Variants in DNAH17 observed in about 807,000 individuals in gnomAD.
DNAH17 encodes dynein axonemal heavy chain 17.
In DNAH17, 376 loss-of-function variants were observed where a neutral mutation model predicts 485.6. That is an observed-to-expected ratio of 0.77 (90% CI 0.71 to 0.84). DNAH17 has a LOEUF of 0.84. Ranked by LOEUF, DNAH17 falls within the 40% of genes least tolerant of loss-of-function variation. The pLI, the probability that DNAH17 is intolerant of heterozygous loss-of-function variation, is 0.00. For missense variants in DNAH17, 6,370 were observed against 5,839.3 expected (o/e 1.09, Z -2.96); for synonymous variants, 3,031 against 2,405.9 (o/e 1.26, Z -7.60).
intron 71 of DNAH17, 115 bp downstream of exon 71, chr17:78,444,489 A>C: frequency 9.6e-7 from 1 of 1,038,234 alleles, no homozygotes; most frequent in Non-Finnish European, 1.3e-6. Flanking sequence ...TGGGGAGAAG[A>C]AAAAAGTTCA....
chr17:78,439,426 G>A (rs368018141), intron 72 of DNAH17, among the ~76,000 whole-genome samples: 3 of 152,036 alleles, frequency 2.0e-5, no homozygotes, highest in Admixed American at 6.6e-5. Context: ...GCAATCATCC[G>A]TTTGGTTCTA....
chr17:78,442,058 G>A (rs559577781), intron 71 of DNAH17, among the ~76,000 whole-genome samples: 1 of 149,814 alleles, frequency 6.7e-6, no homozygotes, highest in South Asian at 2.1e-4. Context: ...ACTCCAGCCT[G>A]GGCAAGAGAG....
intron 75 of DNAH17, 140 bp from the exon 76 acceptor site, chr17:78,429,440 GC>G: frequency 1.1e-6 from 1 of 925,648 alleles, no homozygotes; most frequent in Non-Finnish European, 1.6e-6. Flanking sequence ...CAGCCTCCTG[GC>G]CATTTACCTT....
intron 44 of DNAH17, 100 bp from the exon 45 acceptor site, chr17:78,486,606 T>TG: frequency 7.1e-7 from 1 of 1,414,032 alleles, no homozygotes; most frequent in Non-Finnish European, 9.4e-7. Context: ...CCAATTCTGC[T>TG]GGGGCTGCCC....
chr17:78,458,907 G>T, intron 61 of DNAH17, 94 bp downstream of exon 61: 1 of 1,367,800 alleles, frequency 7.3e-7, no homozygotes, highest in Non-Finnish European at 1.0e-6. Context: ...CATGACGGCG[G>T]GCCGTGCCAA....
At chr17:78,483,641 A>G (rs1226949525) in intron 48 of DNAH17, among the ~76,000 whole-genome samples, 1 of 63,592 alleles carries the variant, frequency 1.6e-5, no homozygotes, top group East Asian at 3.9e-4. Context: ...GGAAATAATA[A>G]TAATAATAAT....
intron 26 of DNAH17, among the ~76,000 whole-genome samples, chr17:78,514,154 G>A (rs189446957): frequency 4.3e-4 from 66 of 152,202 alleles, no homozygotes; most frequent in African/African-American, 1.4e-3. Context: ...CAACCAGAAC[G>A]GCCTACCTAA....
At chr17:78,566,769 G>A (rs1220155826) in intron 10 of DNAH17, 39 bp from the exon 11 acceptor site, 3 of 1,514,740 alleles carry the variant, frequency 2.0e-6, no homozygotes, top group East Asian at 2.4e-5. Context: ...TAATCAGCGT[G>A]CAAAGCAAGC....
Position 78,485,761 on chromosome 17 carries a change from G to T in DNAH17, c.7276-4C>A. The T allele has an allele frequency of 1.2e-6, 2 of 1,613,040 alleles. No individual in the cohort carries two copies. The highest frequency in any genetic ancestry group is 1.7e-6 in the Non-Finnish European group (2 of 1,179,386). On this transcript the variant is annotated splice_polypyrimidine_tract_variant and splice_region_variant and intron_variant, in intron 46 of 80. Transcript: ENST00000389840. ...CCGTGGTGTGGACCAAAGAGGCCTG[G>T]GGCAGGGGAGGGAAGGGGAGGGAGC...
chr17:78,536,047 C>T (rs777453661), intron 19 of DNAH17, among the ~76,000 whole-genome samples: 2 of 152,102 alleles, frequency 1.3e-5, no homozygotes, highest in African/African-American at 4.8e-5. Flanking sequence ...CCAGGCTCTC[C>T]GTGTGTCTTG....
At chr17:78,459,441 A>G (rs920653342) in intron 60 of DNAH17, among the ~76,000 whole-genome samples, 4 of 152,166 alleles carry the variant, frequency 2.6e-5, no homozygotes, top group Admixed American at 1.3e-4. Flanking sequence ...GACTGAAACT[A>G]TAAGGTTAGA....
At chr17:78,446,517 G>T (rs903641710) in intron 69 of DNAH17, among the ~76,000 whole-genome samples, 1 of 152,180 alleles carries the variant, frequency 6.6e-6, no homozygotes, top group Non-Finnish European at 1.5e-5. Context: ...CTGTAAGGCC[G>T]AGTAATACTC....
intron 11 of DNAH17, among the ~76,000 whole-genome samples, chr17:78,566,177 G>C (rs772643591): frequency 1.3e-5 from 2 of 151,980 alleles, no homozygotes; most frequent in Non-Finnish European, 2.9e-5. Flanking sequence ...TAAGCCACCC[G>C]GTCTACAGCA....
intron 22 of DNAH17, among the ~76,000 whole-genome samples, chr17:78,527,387 A>AAAAAAC (rs1312823619): frequency 6.6e-6 from 1 of 152,106 alleles, no homozygotes; most frequent in African/African-American, 2.4e-5. Context: ...CCCTGTCTCA[A>AAAAAAC]AAAAACAAAA....
At chr17:78,449,696 G>A in intron 68 of DNAH17, 112 bp from the exon 69 acceptor site, 1 of 1,145,908 alleles carries the variant, frequency 8.7e-7, no homozygotes, top group Non-Finnish European at 1.2e-6. Flanking sequence ...TTGTTTCTTT[G>A]AGACAGAGTC....
rs752715005 is a variant in DNAH17 at position 78,567,016 on chromosome 17, A to G, written c.1435T>C (p.Leu479=). The G allele has an allele frequency of 1.2e-6, 2 of 1,613,376 alleles. No homozygotes were observed. The highest frequency in any genetic ancestry group is 2.2e-5 in the East Asian group (1 of 44,870). The stretch of plus-strand genomic sequence containing the variant: ...GGACCTACCGAGTCTCCAGGGTCCA[A>G]GGGATCATATTTGCAGTCGGCAAAA... The part of the protein sequence containing the change: ...KVFADCKYDP[L]DPGDSNFDRD... Residue 479 remains leucine, a synonymous_variant, in exon 10 of 81, where the codon TTG becomes CTG. Coordinates refer to ENST00000389840, the MANE Select transcript of DNAH17 (RefSeq NM_173628.4).
intron 16 of DNAH17, among the ~76,000 whole-genome samples, chr17:78,550,456 A>G (rs1325551267): frequency 5.0e-4 from 5 of 9,998 alleles, no homozygotes; most frequent in African/African-American, 2.8e-3. Flanking sequence ...TGGAGATGAG[A>G]GCTTTAAAGA....
intron 72 of DNAH17, among the ~76,000 whole-genome samples, chr17:78,439,923 G>A (rs1040202254): frequency 6.6e-6 from 1 of 151,986 alleles, no homozygotes; most frequent in Non-Finnish European, 1.5e-5. Context: ...ACCTGCCTTG[G>A]CCTCCCAAAG....
intron 34 of DNAH17, 89 bp from the exon 35 acceptor site, chr17:78,501,433 C>G: frequency 6.8e-7 from 1 of 1,460,472 alleles, no homozygotes; most frequent in Non-Finnish European, 9.1e-7. Flanking sequence ...AAGGCCGGTC[C>G]CCTGCTGCCC....
Sources: gnomAD v4.1 joint callset for allele counts (sites outside exome capture counted in the v4.1 genomes callset) on GRCh38, gnomAD v4.1.1 for gene constraint, MANE v1.5 for transcripts, NCBI Gene and HGNC (gene_info 2026-07-23, HGNC 2026-07-21) for gene names.